Variants in PDE1A observed in about 807,000 individuals in gnomAD.
PDE1A encodes the protein dual specificity calcium/calmodulin-dependent 3',5'-cyclic nucleotide phosphodiesterase 1A.
A neutral mutation model predicts 61.7 loss-of-function variants in PDE1A; 35 were observed. The ratio of observed to expected loss-of-function variants is 0.57; its 90% confidence interval spans 0.43 to 0.75. PDE1A has a LOEUF of 0.75. PDE1A is among the 30% of genes least tolerant of loss of function. PDE1A has a pLI of 0.00. For missense variants in PDE1A, 597 were observed against 630.6 expected, an observed-to-expected ratio of 0.95 and a Z score of 0.57; for synonymous variants, 232 against 213.2, an observed-to-expected ratio of 1.09 and a Z score of -0.77.
chr2:182,561,408 G>C, the PDE1A span, among the ~76,000 whole-genome samples: 2 of 152,012 alleles, frequency 1.3e-5, no homozygotes, highest in Non-Finnish European at 2.9e-5. Context: ...CTGTTCCATT[G>C]ATCTATATCT....
At chr2:182,580,643 A>G in the PDE1A span, among the ~76,000 whole-genome samples, 2 of 152,306 alleles carry the variant, frequency 1.3e-5, no homozygotes, top group South Asian at 2.1e-4. Flanking sequence ...TAAATGGAAG[A>G]CTGGCTTTCA....
chr2:182,388,824 AG>A (rs1701263550), intron 1 of PDE1A, among the ~76,000 whole-genome samples: 1 of 152,030 alleles, frequency 6.6e-6, no homozygotes, highest in Non-Finnish European at 1.5e-5. Flanking sequence ...AATGAAATAA[AG>A]ACCAGAAAAA....
intron 1 of PDE1A, among the ~76,000 whole-genome samples, chr2:182,285,436 A>C (rs1694091165): frequency 1.3e-5 from 2 of 152,066 alleles, no homozygotes; most frequent in Admixed American, 1.3e-4. Flanking sequence ...CAGGACACTT[A>C]ACAGAGGGAG....
downstream of PDE1A, among the ~76,000 whole-genome samples, chr2:182,166,441 C>T (rs931339731): frequency 6.6e-6 from 1 of 152,178 alleles, no homozygotes; most frequent in African/African-American, 2.4e-5. Context: ...CTTGGACATT[C>T]AGCTCCAGGT....
chr2:182,178,091 T>C (rs1181013695), intron 13 of PDE1A, among the ~76,000 whole-genome samples: 1 of 152,200 alleles, frequency 6.6e-6, no homozygotes, highest in African/African-American at 2.4e-5. Context: ...TGGTTTTGTT[T>C]CTACTTGTTT....
the PDE1A span, among the ~76,000 whole-genome samples, chr2:182,703,953 C>A: frequency 6.6e-6 from 1 of 151,822 alleles, no homozygotes; most frequent in Admixed American, 6.6e-5. Context: ...GTAATCCCAG[C>A]ACTTTGGGAG....
At chr2:182,525,210 G>T (rs911342183), upstream of PDE1A, among the ~76,000 whole-genome samples, 2 of 151,872 alleles carry the variant, frequency 1.3e-5, no homozygotes, top group African/African-American at 2.4e-5. Context: ...ATAATTATTA[G>T]TTCTTATTAT....
At chr2:182,579,175 C>T in the PDE1A span, among the ~76,000 whole-genome samples, 11,482 of 152,226 alleles carry the variant, frequency 0.075, 1,429 homozygotes, top group African/African-American at 0.26. Flanking sequence ...AATAAACATG[C>T]TACAATGGAT....
rs557229220 is a variant in PDE1A, at chr2:182,487,017, C to G, written c.101+35259G>C. Among the ~76,000 whole-genome samples the G allele has an allele frequency of 3.9e-5, 6 of 152,196 alleles. No homozygotes were observed. The East Asian group carries it at 1.2e-3, about 29-fold the overall frequency. On this transcript the variant is annotated intron_variant, in intron 2 of 14. Transcript: ENST00000410103. ...CTGAGAAAAAATATTTGTAAATCAT[C>G]TATTGGACAAAGCACTTGTGACCAG... is the stretch of plus-strand genomic sequence containing the variant.
At chr2:182,343,359 T>C (rs1354786451) in intron 1 of PDE1A, among the ~76,000 whole-genome samples, 1 of 152,170 alleles carries the variant, frequency 6.6e-6, no homozygotes, top group Non-Finnish European at 1.5e-5. Context: ...TATACAGCAC[T>C]ATACCAACTA....
chr2:182,336,549 A>C (rs1697826925), intron 1 of PDE1A, among the ~76,000 whole-genome samples: 2 of 152,116 alleles, frequency 1.3e-5, no homozygotes, highest in Admixed American at 6.6e-5. Flanking sequence ...GTTCTCACTC[A>C]TAAGTGGGAG....
At chr2:182,386,046 G>C (rs1330580317) in intron 1 of PDE1A, among the ~76,000 whole-genome samples, 2 of 152,212 alleles carry the variant, frequency 1.3e-5, no homozygotes, top group African/African-American at 4.8e-5. Flanking sequence ...GTGGAGACGG[G>C]GTTTCGCTGT....
chr2:182,491,240 C>T (rs80035574), intron 2 of PDE1A, among the ~76,000 whole-genome samples: 5,003 of 152,254 alleles, frequency 0.033, 114 homozygotes, highest in Non-Finnish European at 0.054. Flanking sequence ...CCGCAATCAG[C>T]TACATGAATG....
intron 1 of PDE1A, among the ~76,000 whole-genome samples, chr2:182,327,563 C>T (rs562191105): frequency 6.6e-6 from 1 of 152,222 alleles, no homozygotes; most frequent in East Asian, 1.9e-4. Context: ...GAGGGTAGAA[C>T]CAAGTGAAGA....
intron 1 of PDE1A, among the ~76,000 whole-genome samples, chr2:182,350,414 C>T (rs1371085808): frequency 6.6e-6 from 1 of 152,074 alleles, no homozygotes; most frequent in Admixed American, 6.6e-5. Context: ...ATCCTGTGTG[C>T]TAGCTATCGT....
the PDE1A span, among the ~76,000 whole-genome samples, chr2:182,620,816 C>T: frequency 7.2e-5 from 11 of 152,118 alleles, no homozygotes. Flanking sequence ...TTTGAGTTCG[C>T]AACTCCAGTT....
chr2:182,508,881 A>G (rs1423984717), intron 2 of PDE1A, among the ~76,000 whole-genome samples: 1 of 150,696 alleles, frequency 6.6e-6, no homozygotes, highest in Non-Finnish European at 1.5e-5. Flanking sequence ...ACATACGTAT[A>G]CATGTGCCAT....
At chr2:182,597,475 G>A in the PDE1A span, among the ~76,000 whole-genome samples, 1 of 152,190 alleles carries the variant, frequency 6.6e-6, no homozygotes, top group Admixed American at 6.5e-5. Flanking sequence ...CAGAGGAAGA[G>A]AGGAACTGGT....
chr2:182,705,118 C>T, the PDE1A span, among the ~76,000 whole-genome samples: 1 of 152,078 alleles, frequency 6.6e-6, no homozygotes. Flanking sequence ...AAAAATGTAC[C>T]ATGTGAAAAC....
Sources: gnomAD v4.1 joint callset for allele counts (sites outside exome capture counted in the v4.1 genomes callset) on GRCh38, gnomAD v4.1.1 for gene constraint, MANE v1.5 for transcripts, NCBI Gene and HGNC (gene_info 2026-07-23, HGNC 2026-07-21) for gene names.